Variants in PARL observed in about 807,000 individuals in gnomAD.
PARL encodes the protein presenilin-associated rhomboid-like protein, mitochondrial.
Under a neutral mutation model 51.6 loss-of-function variants are expected in PARL, and 44 were observed. The observed-to-expected ratio is 0.85, with a 90% CI of 0.67 to 1.10. The LOEUF is 1.10. Among genes scored for constraint, PARL ranks in the 50% least tolerant of loss-of-function variants. PARL has a pLI of 0.00. For synonymous variants in PARL, 172 were observed against 164.0 expected, an observed-to-expected ratio of 1.05 and a Z score of -0.37; for missense variants, 441 against 469.5, an observed-to-expected ratio of 0.94 and a Z score of 0.56.
chr3:183,864,607 T>C (rs1732229692), intron 3 of PARL, among the ~76,000 whole-genome samples: 1 of 152,006 alleles, frequency 6.6e-6, no homozygotes, highest in Non-Finnish European at 1.5e-5. Flanking sequence ...AAACCCCGTC[T>C]CTACCAAAAA....
intron 1 of PARL, among the ~76,000 whole-genome samples, chr3:183,868,436 GA>G (rs1426898910): frequency 5.9e-5 from 9 of 151,876 alleles, no homozygotes; most frequent in Non-Finnish European, 1.2e-4. Flanking sequence ...GCCCAGGCTA[GA>G]GTACGATTAC....
At chr3:183,840,706 T>C in intron 6 of PARL, 66 bp from the exon 7 acceptor site, 1 of 834,588 alleles carries the variant, frequency 1.2e-6, no homozygotes, top group Non-Finnish European at 1.9e-6. Flanking sequence ...TTTTTTTTCT[T>C]TTCTTTTTTT....
At position 183,842,378 on chromosome 3, in the gene PARL, A is replaced by G. The variant is rs763207188; in HGVS notation, c.677T>C (p.Met226Thr). The G allele has an allele frequency of 3.1e-6, 5 of 1,613,828 alleles. No individual in the cohort carries two copies. The South Asian group carries it at 5.5e-5, about 18-fold the overall frequency. ...HFSLFHMAAN[M>T]YVLWSFSSSI... Reference sequence around the variant, plus strand: ...GGAAGAGAAGCTCCACAAAACATACATATTTGCTGCCATGTGAAATAAGGA... The same window carrying G: ...GGAAGAGAAGCTCCACAAAACATACGTATTTGCTGCCATGTGAAATAAGGA... The change falls in exon 6 of 10, where the codon ATG becomes ACG. Residue 226 changes from methionine (M) to threonine (T), a missense_variant. By Grantham distance (81) the Met-to-Thr change is moderately conservative. Coordinates refer to ENST00000317096, the MANE Select transcript of PARL (RefSeq NM_018622.7).
intron 1 of PARL, among the ~76,000 whole-genome samples, chr3:183,876,289 C>T (rs1408097167): frequency 1.3e-5 from 2 of 152,082 alleles, no homozygotes; most frequent in Admixed American, 6.5e-5. Flanking sequence ...TCAGGCGATC[C>T]GCCCGTGTTG....
chr3:183,878,288 G>A (rs532866499), intron 1 of PARL, among the ~76,000 whole-genome samples: 1 of 152,288 alleles, frequency 6.6e-6, no homozygotes, highest in African/African-American at 2.4e-5. Context: ...AAGGTCTTCT[G>A]AGGCCGACTC....
chr3:183,833,828 G>A lies in PARL; in HGVS notation c.829-3C>T, dbSNP rs757382202. 17 of 1,588,734 alleles carry A rather than the reference G, an allele frequency of 1.1e-5. No homozygotes were observed. The highest frequency in any genetic ancestry group is 8.8e-5 in the South Asian group (8 of 90,600). ...AGGACTGTCATGATGGCACCAGACT[G>A]CAAAGTAACACAGCAGGGAGAATGG... is the stretch of plus-strand genomic sequence containing the variant. On this transcript the variant is annotated splice_region_variant and splice_polypyrimidine_tract_variant and intron_variant, in intron 7 of 9. Transcript: ENST00000317096.
chr3:183,853,704 A>C (rs1730811808), intron 4 of PARL, among the ~76,000 whole-genome samples: 1 of 152,222 alleles, frequency 6.6e-6, no homozygotes, highest in Non-Finnish European at 1.5e-5. Flanking sequence ...CAGAAAAAGC[A>C]AATCAAAACC....
chr3:183,850,578 A>C (rs761458583), intron 4 of PARL, among the ~76,000 whole-genome samples: 31 of 152,342 alleles, frequency 2.0e-4, no homozygotes, highest in Admixed American at 1.2e-3. Flanking sequence ...AAATTCTACC[A>C]AATATAAAAG....
At chr3:183,843,124 T>C in intron 5 of PARL, 2 of 779,922 alleles carry the variant, frequency 2.6e-6, no homozygotes, top group Non-Finnish European at 3.1e-6. Context: ...GCTCAAGCAG[T>C]TCACCTGCCT....
intron 1 of PARL, among the ~76,000 whole-genome samples, chr3:183,882,982 C>G (rs1372550672): frequency 1.3e-5 from 2 of 152,168 alleles, no homozygotes; most frequent in East Asian, 3.8e-4. Flanking sequence ...GAACTTATTA[C>G]CAGAGGCAAA....
Position 183,884,828 on chromosome 3 carries a change from C to G in PARL, c.19G>C (p.Ala7Pro), listed in dbSNP as rs781697331. 1.9e-6 allele frequency: 3 copies of G among 1,597,300 alleles called. No individual in the cohort carries two copies. Among genetic ancestry groups the G allele is most frequent in the Non-Finnish European group, 2.5e-6 (3 of 1,179,170 alleles). Residue 7 changes from alanine (A) to proline (P), a missense_variant, in exon 1 of 10, where the codon GCG becomes CCG. Transcript: ENST00000317096. ...TGGCCGCAGCCCCAGCCTCTCTGCG[C>G]CCAGCCTCGCCACGCCATCTTCCCA... MAWRGW[A>P]QRGWGCGQAW... is the part of the protein sequence containing the mutation.
At chr3:183,836,474 A>G (rs546327914) in intron 7 of PARL, among the ~76,000 whole-genome samples, 6 of 152,190 alleles carry the variant, frequency 3.9e-5, no homozygotes, top group African/African-American at 1.4e-4. Context: ...TTGTTTTTTG[A>G]CAAATATTTG....
chr3:183,864,611 C>T (rs1458559243), intron 3 of PARL, among the ~76,000 whole-genome samples: 1 of 151,758 alleles, frequency 6.6e-6, no homozygotes, highest in African/African-American at 2.4e-5. Flanking sequence ...CCCGTCTCTA[C>T]CAAAAATACA....
intron 4 of PARL, among the ~76,000 whole-genome samples, chr3:183,859,131 C>G (rs1384859919): frequency 2.0e-5 from 3 of 151,954 alleles, no homozygotes; most frequent in Non-Finnish European, 4.4e-5. Context: ...CGGTGAAACC[C>G]CGTCTCTACT....
At chr3:183,867,770 A>G (rs745513525) in intron 2 of PARL, 95 bp downstream of exon 2, 1 of 864,548 alleles carries the variant, frequency 1.2e-6, no homozygotes, top group Admixed American at 1.7e-5. Context: ...TCCCCCCTCT[A>G]CCTGTCCTTA....
intron 7 of PARL, 93 bp from the exon 8 acceptor site, chr3:183,833,918 T>G (rs1307131201): frequency 2.4e-6 from 2 of 825,954 alleles, no homozygotes; most frequent in African/African-American, 1.7e-5. Flanking sequence ...TCTAGAAAGT[T>G]TACATGCTGC....
intron 1 of PARL, among the ~76,000 whole-genome samples, chr3:183,874,654 C>T (rs1439429602): frequency 3.3e-5 from 5 of 152,220 alleles, no homozygotes; most frequent in African/African-American, 7.2e-5. Context: ...GTGATCCTCC[C>T]GCTTCGGCCT....
intron 7 of PARL, among the ~76,000 whole-genome samples, chr3:183,837,948 C>T (rs1043808704): frequency 5.9e-5 from 9 of 151,672 alleles, no homozygotes; most frequent in African/African-American, 1.9e-4. Flanking sequence ...CCTGTCTCTA[C>T]AGAAAAGTTT....
At chr3:183,851,175 T>G (rs1202696607) in intron 4 of PARL, among the ~76,000 whole-genome samples, 1 of 152,202 alleles carries the variant, frequency 6.6e-6, no homozygotes, top group East Asian at 1.9e-4. Context: ...ATGCCTAAAT[T>G]TAAGAGCTAA....
Sources: allele counts gnomAD v4.1 joint callset (sites outside exome capture counted in the v4.1 genomes callset), GRCh38; gene constraint gnomAD v4.1.1; transcripts MANE v1.5; gene names NCBI Gene and HGNC (gene_info 2026-07-23, HGNC 2026-07-21).